Variants in ABHD2 observed in about 807,000 individuals in gnomAD.
ABHD2 encodes the protein abhydrolase domain containing 2, acylglycerol lipase.
ABHD2 carries 20 observed loss-of-function variants against 48.1 expected under a neutral mutation model. That is an observed-to-expected ratio of 0.42 (90% CI 0.29 to 0.60). ABHD2 has a LOEUF of 0.60. ABHD2 is among the 20% of genes least tolerant of loss of function. The probability of loss-of-function intolerance (pLI) is 0.24; values close to 1 mark genes in which losing one functional copy is unlikely to be tolerated. For missense variants in ABHD2, 405 were observed against 550.9 expected (o/e 0.74, Z 2.65); for synonymous variants, 209 against 214.2 (o/e 0.98, Z 0.21).
At chr15:89,049,856 C>G in the ABHD2 span, among the ~76,000 whole-genome samples, 28 of 152,202 alleles carry the variant, frequency 1.8e-4, no homozygotes, top group Non-Finnish European at 2.2e-4. Context: ...TCTTTTGCAT[C>G]GCTCATGCTG....
Position 89,151,554 on chromosome 15 carries a change from T to A in ABHD2, c.195-123T>A. 1 of 1,056,400 alleles carries A rather than the reference T, an allele frequency of 9.5e-7. No homozygotes were observed. 65.4% of individuals were successfully genotyped at this position (1,056,400 alleles called of 1,614,324 possible). A position where few individuals can be genotyped will look rare whatever the true frequency, so the allele number is the denominator to read the frequency against. On this transcript the variant is annotated intron_variant, in intron 3 of 10. Transcript: ENST00000352732. The surrounding 1 kb of genome is among the most constrained non-coding windows in gnomAD (Gnocchi z 4.7). ...GATGTAACGTAATAAAAGCCTCATG[T>A]TTATGCTTTGTGTGCAGAATTTCCC...
At chr15:89,162,374 G>A (rs950308108) in intron 5 of ABHD2, among the ~76,000 whole-genome samples, 1 of 151,908 alleles carries the variant, frequency 6.6e-6, no homozygotes, top group Non-Finnish European at 1.5e-5. Context: ...GCCACTTTTC[G>A]ATCTCCTTCC....
At chr15:89,073,556 C>G in the ABHD2 span, among the ~76,000 whole-genome samples, 1 of 152,158 alleles carries the variant, frequency 6.6e-6, no homozygotes, top group Admixed American at 6.5e-5. Context: ...CTCGGCCTCC[C>G]AAAGTGCTGG....
chr15:89,049,834 A>G, the ABHD2 span, among the ~76,000 whole-genome samples: 8 of 152,368 alleles, frequency 5.3e-5, no homozygotes, highest in South Asian at 1.7e-3. Context: ...ATGGAAATGC[A>G]GAAATCACCC....
At chr15:89,052,015 C>T in the ABHD2 span, among the ~76,000 whole-genome samples, 1 of 152,166 alleles carries the variant, frequency 6.6e-6, no homozygotes, top group African/African-American at 2.4e-5. Flanking sequence ...TGAAAGTTCA[C>T]ATGCAAATCA....
At position 89,191,141 on chromosome 15, in the gene ABHD2, C is replaced by G. The variant is rs2051297119; in HGVS notation, c.988C>G (p.Leu330Val). The G allele has an allele frequency of 1.9e-6, 3 of 1,613,974 alleles. No homozygotes were observed. Among genetic ancestry groups the G allele is most frequent in the Non-Finnish European group, 2.5e-6 (3 of 1,179,958 alleles). Residue 330 changes from leucine to valine, a missense_variant, in exon 9 of 11, where the codon CTG (leucine) becomes GTG (valine). Transcript: ENST00000352732. ...YYEEESCMRY[L>V]HRIYVPLMLV... ...TGAGGAAGAAAGTTGCATGCGGTACCTGCACAGGGTGAGTGGCCATCACGG... is the reference window on the plus strand; with the variant it reads ...TGAGGAAGAAAGTTGCATGCGGTACGTGCACAGGGTGAGTGGCCATCACGG...
chr15:89,176,030 T>C lies in ABHD2; in HGVS notation c.722+35T>C. ...CTCCGCCTTCCATCAGGGCCTTCAG[T>C]TAGCCCTTATTTATAGAGATGCCCC... On this transcript the variant is annotated intron_variant, in intron 6 of 10. Transcript: ENST00000352732. The surrounding 1 kb of genome is among the most constrained non-coding windows in gnomAD (Gnocchi z 4.5). 6.4e-7 allele frequency: 1 copy of C among 1,554,178 alleles called. No homozygotes were observed. The highest frequency in any genetic ancestry group is 8.7e-7 in the Non-Finnish European group (1 of 1,149,286).
intron 3 of ABHD2, among the ~76,000 whole-genome samples, chr15:89,122,570 T>C (rs2050068766): frequency 6.6e-6 from 1 of 152,206 alleles, no homozygotes; most frequent in Non-Finnish European, 1.5e-5. Flanking sequence ...GGCTCTACCC[T>C]GTTTCTGGAA....
At chr15:89,062,437 T>C in the ABHD2 span, among the ~76,000 whole-genome samples, 1 of 152,110 alleles carries the variant, frequency 6.6e-6, no homozygotes, top group Admixed American at 6.6e-5. Context: ...CAGCCTGTAG[T>C]GCAGTGGTGT....
chr15:89,186,892 C>G lies in ABHD2; in HGVS notation c.816-1301C>G, dbSNP rs532304834. 2.3e-4 allele frequency among the ~76,000 whole-genome samples: 35 copies of G among 152,344 alleles called. No homozygotes were observed. The highest frequency in any genetic ancestry group is 8.4e-4 in the African/African-American group (35 of 41,586). ...CTAAGCAAGGCTGGGCTTGAAGGCC[C>G]CATCAGGCTGCCACGTTGCCAAACA... is the stretch of plus-strand genomic sequence containing the variant. On this transcript the variant is annotated intron_variant, in intron 7 of 10. Transcript: ENST00000352732. The surrounding 1 kb of genome is among the most constrained non-coding windows in gnomAD (Gnocchi z 4.3).
chr15:89,149,051 A>C (rs1479670405), intron 3 of ABHD2, among the ~76,000 whole-genome samples: 1 of 152,190 alleles, frequency 6.6e-6, no homozygotes, highest in East Asian at 1.9e-4. Flanking sequence ...CTAAAAATTC[A>C]ATTTTGTAAA....
the ABHD2 span, among the ~76,000 whole-genome samples, chr15:89,061,441 A>G: frequency 4.6e-5 from 7 of 152,070 alleles, no homozygotes; most frequent in African/African-American, 1.7e-4. Flanking sequence ...AAAAAGAAAA[A>G]CTACCTACTG....
chr15:89,133,489 C>T (rs1406790699), intron 3 of ABHD2, among the ~76,000 whole-genome samples: 2 of 152,216 alleles, frequency 1.3e-5, no homozygotes, highest in Non-Finnish European at 2.9e-5. Flanking sequence ...GCACTGTGAG[C>T]ACATTTCCCC....
chr15:89,048,884 T>C, the ABHD2 span, among the ~76,000 whole-genome samples: 2 of 146,582 alleles, frequency 1.4e-5, no homozygotes, highest in Admixed American at 1.4e-4. Context: ...GTCTGAAGCC[T>C]CCTTCTCTCA....
In ABHD2 at chr15:89,113,842, T is replaced by C. The variant is rs1161884879; in HGVS notation, c.-7+18T>C. 6.6e-6 allele frequency: 1 copy of C among 152,160 alleles called. No homozygotes were observed. Among genetic ancestry groups the C allele is most frequent in the East Asian group, 1.9e-4 (1 of 5,194 alleles). The allele number at this position is 152,160 out of a possible 1,614,324, so 9.4% of individuals were successfully genotyped here. On this transcript the variant is annotated intron_variant, in intron 2 of 10. Transcript: ENST00000352732. ...TAACATTGGTATGTATTGCTGAGAC[T>C]CTTATTTTTGTTTCTCCTCCCCTTA...
At chr15:89,047,241 A>C in the ABHD2 span, among the ~76,000 whole-genome samples, 1 of 151,794 alleles carries the variant, frequency 6.6e-6, no homozygotes, top group East Asian at 1.9e-4. Context: ...TTCTAGTTTG[A>C]TTGCACTGTG....
At chr15:89,052,075 G>A in the ABHD2 span, among the ~76,000 whole-genome samples, 1 of 152,182 alleles carries the variant, frequency 6.6e-6, no homozygotes, top group Admixed American at 6.5e-5. Context: ...TACCATACAT[G>A]GAGGCTGAGA....
At chr15:89,085,621 A>G (rs1335163202), upstream of ABHD2, among the ~76,000 whole-genome samples, 1 of 152,174 alleles carries the variant, frequency 6.6e-6, no homozygotes, top group Non-Finnish European at 1.5e-5. This position sits in a 1 kb window ranked among gnomAD's most constrained non-coding sequence, Gnocchi z 4.2. Flanking sequence ...CCTCTGTGAC[A>G]TAATTGTGTT....
rs529159082 is a variant in ABHD2, at chr15:89,171,070, C to T, written c.539-4742C>T. Among the ~76,000 whole-genome samples, 7 of 152,098 alleles carry T rather than the reference C, an allele frequency of 4.6e-5. No homozygotes were observed. In the East Asian group the frequency reaches 1.4e-3, roughly 29 times the overall value. On this transcript the variant is annotated intron_variant, in intron 5 of 10. Transcript: ENST00000352732. ...GGCAGAGGTTGCAGTGAGTCAAGAT[C>T]GCACCACTGCACTCCAGCCTGGGCA...
Sources: allele counts gnomAD v4.1 joint callset (sites outside exome capture counted in the v4.1 genomes callset), GRCh38; gene constraint gnomAD v4.1.1; non-coding constraint Gnocchi (gnomAD v3.1); transcripts MANE v1.5; gene names NCBI Gene and HGNC (gene_info 2026-07-23, HGNC 2026-07-21).